The following STRN variants were observed in gnomAD, a reference collection of about 807,000 sequenced individuals.
STRN encodes striatin.
STRN carries 53 observed loss-of-function variants against 96.3 expected under a neutral mutation model. The ratio of observed to expected loss-of-function variants is 0.55; its 90% CI spans 0.44 to 0.69. The LOEUF is 0.69. Among genes scored for constraint, STRN ranks in the 30% least tolerant of loss-of-function variants. The pLI is 0.00. For missense variants in STRN, 987 were observed against 963.9 expected, an observed-to-expected ratio of 1.02 and a Z score of -0.32; for synonymous variants, 428 against 355.9, an observed-to-expected ratio of 1.20 and a Z score of -2.28.
chr2:36,885,312 C>T (rs1206017267), intron 8 of STRN, among the ~76,000 whole-genome samples: 1 of 151,932 alleles, frequency 6.6e-6, no homozygotes, highest in Non-Finnish European at 1.5e-5. Context: ...AGCATAATGA[C>T]CTAAAGAAAA....
intron 5 of STRN, among the ~76,000 whole-genome samples, chr2:36,902,379 A>G (rs1669709210): frequency 6.6e-6 from 1 of 152,212 alleles, no homozygotes; most frequent in African/African-American, 2.4e-5. Context: ...TATTAAATAA[A>G]TATCACAAAT....
chr2:36,879,328 C>T (rs1169286447), intron 9 of STRN, among the ~76,000 whole-genome samples: 2 of 152,214 alleles, frequency 1.3e-5, no homozygotes, highest in Non-Finnish European at 2.9e-5. Flanking sequence ...CCTTGGCCTC[C>T]CAAAGTGCTG....
chr2:36,883,964 A>C lies in STRN; in HGVS notation c.1154T>G (p.Leu385Arg), dbSNP rs1403824379. 1 of 1,419,374 alleles carries C rather than the reference A, an allele frequency of 7.0e-7. No individual in the cohort carries two copies. The highest frequency in any genetic ancestry group is 9.2e-7 in the Non-Finnish European group (1 of 1,081,732). The allele number at this position is 1,419,374 out of a possible 1,614,324, so 87.9% of individuals were successfully genotyped here. ...GSPSRPSSSR[L>R]PEHEINRADE... ...TGCCCTATTAATTTCATGTTCAGGA[A>C]GCCTGGAGCTGCTGGGTCTGGAAGG... Residue 385 changes from leucine (L) to arginine (R), a missense_variant, in exon 9 of 18, where the codon CTT (leucine) becomes CGT (arginine). By Grantham distance (102) the Leu-to-Arg change is moderately radical. Coordinates refer to ENST00000263918, the MANE Select transcript of STRN (RefSeq NM_003162.4).
chr2:36,884,911 CTT>C (rs1238894063), intron 8 of STRN, among the ~76,000 whole-genome samples: 1 of 151,980 alleles, frequency 6.6e-6, no homozygotes, highest in Non-Finnish European at 1.5e-5. Flanking sequence ...TATCCTAAGT[CTT>C]TACTTGTTCC....
intron 3 of STRN, 123 bp downstream of exon 3, chr2:36,915,955 C>G (rs1670086189): frequency 1.3e-6 from 1 of 795,648 alleles, no homozygotes; most frequent in Non-Finnish European, 2.0e-6. Context: ...AAAAGACAAG[C>G]AGGTCAGAAA....
At position 36,883,991 on chromosome 2, in the gene STRN, G is replaced by A. The variant is rs561230957; in HGVS notation, c.1127C>T (p.Ser376Leu). The A allele has an allele frequency of 1.4e-6, 2 of 1,444,360 alleles. No individual in the cohort carries two copies. The highest frequency in any genetic ancestry group is 2.3e-5 in the Admixed American group (1 of 43,254). 89.5% of individuals were successfully genotyped at this position (1,444,360 alleles called of 1,614,324 possible). A position where few individuals can be genotyped will look rare whatever the true frequency, so the allele number is the denominator to read the frequency against. Reference protein sequence around the residue: ...ELPSLQPSVGSPSRPSSSRLP... With the variant: ...ELPSLQPSVGLPSRPSSSRLP... Reference sequence around the variant, plus strand: ...CCTGGAGCTGCTGGGTCTGGAAGGTGAACCCACAGATGGCTGCAATGAAGG... The same window carrying A: ...CCTGGAGCTGCTGGGTCTGGAAGGTAAACCCACAGATGGCTGCAATGAAGG... The change falls in exon 9 of 18, where the codon TCA becomes TTA. Residue 376 changes from serine to leucine, a missense_variant. Coordinates refer to ENST00000263918, the MANE Select transcript of STRN (RefSeq NM_003162.4).
intron 5 of STRN, among the ~76,000 whole-genome samples, chr2:36,901,431 A>G (rs912175148): frequency 6.6e-6 from 1 of 152,002 alleles, no homozygotes; most frequent in Non-Finnish European, 1.5e-5. Context: ...ACGCGCCTGT[A>G]GTCTCAGCTA....
chr2:36,882,418 G>A (rs1669095513), intron 9 of STRN, among the ~76,000 whole-genome samples: 1 of 152,078 alleles, frequency 6.6e-6, no homozygotes, highest in Non-Finnish European at 1.5e-5. Flanking sequence ...ATGTCACCCA[G>A]GCTGGAGTGC....
intron 12 of STRN, among the ~76,000 whole-genome samples, chr2:36,865,821 A>G (rs1283354860): frequency 1.3e-5 from 2 of 151,974 alleles, no homozygotes; most frequent in Admixed American, 6.6e-5. Context: ...CAACCTCCCA[A>G]AGTGCTGGAA....
intron 9 of STRN, among the ~76,000 whole-genome samples, chr2:36,878,628 G>A (rs1291810129): frequency 6.6e-6 from 1 of 152,156 alleles, no homozygotes; most frequent in Non-Finnish European, 1.5e-5. Flanking sequence ...CTAAGGGGTG[G>A]TGACGTGGGA....
intron 12 of STRN, among the ~76,000 whole-genome samples, chr2:36,865,955 T>C (rs1668611589): frequency 6.6e-6 from 1 of 152,240 alleles, no homozygotes; most frequent in Admixed American, 6.5e-5. Flanking sequence ...TTTGGTTTCA[T>C]TAGTTTCAAA....
chr2:36,948,714 A>G (rs1664677496), intron 1 of STRN, among the ~76,000 whole-genome samples: 1 of 152,216 alleles, frequency 6.6e-6, no homozygotes, highest in Non-Finnish European at 1.5e-5. Context: ...ATAAGAAGCA[A>G]GTAAAAAACA....
intron 10 of STRN, among the ~76,000 whole-genome samples, chr2:36,870,886 G>C (rs1053629219): frequency 1.3e-5 from 2 of 152,162 alleles, no homozygotes; most frequent in African/African-American, 4.8e-5. Context: ...AAGATGTGGA[G>C]GTAGAAGAGA....
rs1403082836 is a variant in STRN, at chr2:36,838,031, T to C, written c.*11425A>G. Among the ~76,000 whole-genome samples, 2 of 152,216 alleles carry C rather than the reference T, an allele frequency of 1.3e-5. No individual in the cohort carries two copies. The highest frequency in any genetic ancestry group is 4.8e-5 in the African/African-American group (2 of 41,466). On this transcript the variant is annotated 3_prime_UTR_variant, in exon 18 of 18. Coordinates refer to ENST00000263918, the MANE Select transcript of STRN (RefSeq NM_003162.4). Reference sequence around the variant, plus strand: ...TTGCAGGGCAGAGGGACTTGGCAGATGTAATTAAAGCTACTAATCAGTTGA... The same window carrying C: ...TTGCAGGGCAGAGGGACTTGGCAGACGTAATTAAAGCTACTAATCAGTTGA...
chr2:36,902,905 G>T, intron 4 of STRN, 154 bp from the exon 5 acceptor site: 5 of 501,712 alleles, frequency 1.0e-5, no homozygotes, highest in Non-Finnish European at 1.6e-5. Context: ...TAATCTTCCA[G>T]CTGCAGATGG....
At chr2:36,902,395 T>G (rs547365265) in intron 5 of STRN, among the ~76,000 whole-genome samples, 189 bp downstream of exon 5, 2 of 152,298 alleles carry the variant, frequency 1.3e-5, no homozygotes, top group African/African-American at 4.8e-5. Context: ...CAAATAATAT[T>G]CTTGAATTAA....
At chr2:36,888,914 G>A (rs1224702874) in intron 7 of STRN, among the ~76,000 whole-genome samples, 2 of 151,856 alleles carry the variant, frequency 1.3e-5, no homozygotes, top group Non-Finnish European at 2.9e-5. Flanking sequence ...AAACTCCTGG[G>A]CTCAAGCAAT....
intron 1 of STRN, among the ~76,000 whole-genome samples, chr2:36,926,395 T>A (rs1216394966): frequency 2.0e-5 from 3 of 152,196 alleles, no homozygotes; most frequent in African/African-American, 4.8e-5. Context: ...ACCACGTCCG[T>A]CTATTATACT....
intron 6 of STRN, among the ~76,000 whole-genome samples, chr2:36,895,054 C>A (rs1669501946): frequency 6.6e-6 from 1 of 151,998 alleles, no homozygotes; most frequent in South Asian, 2.1e-4. Context: ...GTGGCCGGGC[C>A]CGGTGGCTCA....
Sources: allele counts gnomAD v4.1 joint callset (sites outside exome capture counted in the v4.1 genomes callset), GRCh38; gene constraint gnomAD v4.1.1; transcripts MANE v1.5; gene names NCBI Gene and HGNC (gene_info 2026-07-23, HGNC 2026-07-21).